The following THRB variants were observed in gnomAD, a reference collection of about 807,000 sequenced individuals.
THRB encodes thyroid hormone receptor beta.
Under a neutral mutation model 47.8 loss-of-function variants are expected in THRB, and 12 were observed. That is an observed-to-expected ratio of 0.25 (90% CI 0.16 to 0.41). THRB has a LOEUF of 0.41. THRB is among the 10% of genes least tolerant of loss of function. The pLI, the probability that THRB is intolerant of heterozygous loss-of-function variation, is 1.00. For missense variants in THRB, 348 were observed against 589.2 expected (o/e 0.59, Z 4.24); for synonymous variants, 218 against 212.2 (o/e 1.03, Z -0.24).
intron 5 of THRB, 83 bp downstream of exon 5, chr3:24,189,991 T>G: frequency 2.2e-6 from 3 of 1,359,568 alleles, no homozygotes; most frequent in Admixed American, 1.7e-5. Context: ...GGAAGAGAAA[T>G]GTAGATGAAG....
intron 3 of THRB, among the ~76,000 whole-genome samples, chr3:24,271,123 G>C (rs951393806): frequency 3.9e-5 from 6 of 152,150 alleles, no homozygotes; most frequent in Non-Finnish European, 8.8e-5. Context: ...GGATAGAAAG[G>C]CAGTAAAAAA....
Position 24,395,646 on chromosome 3 carries a change from C to A in THRB, c.-260-58275G>T, listed in dbSNP as rs532709420. Among the ~76,000 whole-genome samples the A allele has an allele frequency of 5.9e-5, 9 of 152,098 alleles. No homozygotes were observed. In the East Asian group the frequency reaches 7.7e-4, roughly 13 times the overall value. Reference sequence around the variant, plus strand: ...GGCAAGGATGTAGAGAAATTGGAACCCTTATATGCTGGTGAAGGGAATGCA... The same window carrying A: ...GGCAAGGATGTAGAGAAATTGGAACACTTATATGCTGGTGAAGGGAATGCA... On this transcript the variant is annotated intron_variant, in intron 1 of 10. Coordinates refer to ENST00000646209, the MANE Select transcript of THRB (RefSeq NM_001354712.2).
At chr3:24,123,976 G>A (rs1340534322) in intron 10 of THRB, among the ~76,000 whole-genome samples, 2 of 152,194 alleles carry the variant, frequency 1.3e-5, no homozygotes, top group African/African-American at 2.4e-5. Flanking sequence ...GAATAGTTGG[G>A]CTGCAGACAC....
intron 3 of THRB, among the ~76,000 whole-genome samples, chr3:24,290,704 A>C (rs750542607): frequency 1.1e-4 from 17 of 152,184 alleles, no homozygotes; most frequent in Non-Finnish European, 2.2e-4. Flanking sequence ...GCAATTGTTG[A>C]TCCTGGGATG....
At chr3:24,307,098 A>C (rs906369998) in intron 2 of THRB, among the ~76,000 whole-genome samples, 3 of 151,940 alleles carry the variant, frequency 2.0e-5, no homozygotes, top group South Asian at 2.1e-4. Context: ...CTTGGCAATA[A>C]TTTTTAATTA....
intron 1 of THRB, among the ~76,000 whole-genome samples, chr3:24,471,256 C>A (rs1414499891): frequency 1.3e-5 from 2 of 152,164 alleles, no homozygotes; most frequent in Non-Finnish European, 2.9e-5. Context: ...TCCAGTTCCA[C>A]CCTAGACTGA....
intron 1 of THRB, among the ~76,000 whole-genome samples, chr3:24,368,610 T>G (rs771015035): frequency 5.3e-5 from 8 of 152,166 alleles, no homozygotes; most frequent in South Asian, 2.1e-4. Flanking sequence ...AAATGGTCTG[T>G]TTTTGCCTAG....
chr3:24,319,914 C>T (rs1486393907), intron 2 of THRB, among the ~76,000 whole-genome samples: 3 of 152,176 alleles, frequency 2.0e-5, no homozygotes, highest in African/African-American at 7.2e-5. Context: ...TTATGGCAAA[C>T]TCAGTGTATT....
intron 5 of THRB, among the ~76,000 whole-genome samples, chr3:24,177,606 A>T (rs146628531): frequency 6.6e-6 from 1 of 152,280 alleles, no homozygotes; most frequent in Non-Finnish European, 1.5e-5. Context: ...CAAAAATCCA[A>T]ATTCATTCTG....
intron 1 of THRB, among the ~76,000 whole-genome samples, chr3:24,432,731 T>C (rs1264639860): frequency 1.3e-5 from 2 of 152,110 alleles, no homozygotes; most frequent in Non-Finnish European, 2.9e-5. Context: ...TTTAGCTTTA[T>C]ACTGCATATA....
chr3:24,426,987 C>G (rs1646949768), intron 1 of THRB, among the ~76,000 whole-genome samples: 1 of 151,934 alleles, frequency 6.6e-6, no homozygotes, highest in East Asian at 1.9e-4. Context: ...ATATTAAGCT[C>G]ATCGATGCTT....
At chr3:24,269,466 C>G (rs2053089105) in intron 3 of THRB, among the ~76,000 whole-genome samples, 1 of 151,574 alleles carries the variant, frequency 6.6e-6, no homozygotes, top group South Asian at 2.1e-4. Flanking sequence ...GCTGTGTTGT[C>G]CAGGCTGGAG....
intron 3 of THRB, among the ~76,000 whole-genome samples, chr3:24,294,422 C>T (rs2056263710): frequency 6.6e-6 from 1 of 152,068 alleles, no homozygotes; most frequent in African/African-American, 2.4e-5. Context: ...ACTGACTCAC[C>T]CAACCTCCCT....
At chr3:24,204,897 G>A (rs1575847357) in intron 4 of THRB, among the ~76,000 whole-genome samples, 1 of 152,198 alleles carries the variant, frequency 6.6e-6, no homozygotes, top group Admixed American at 6.5e-5. Context: ...GGAAGAAAGG[G>A]TATCAGTGAT....
At chr3:24,374,049 T>C (rs1189410040) in intron 1 of THRB, among the ~76,000 whole-genome samples, 3 of 152,076 alleles carry the variant, frequency 2.0e-5, no homozygotes, top group African/African-American at 7.2e-5. Flanking sequence ...TCACGAATCG[T>C]CCATTGCTGA....
intron 1 of THRB, among the ~76,000 whole-genome samples, chr3:24,367,702 T>G (rs1560032857): frequency 6.6e-6 from 1 of 152,216 alleles, no homozygotes; most frequent in Non-Finnish European, 1.5e-5. Flanking sequence ...TTTCCTTTCT[T>G]GTCAGTTAGG....
chr3:24,407,402 A>T (rs993475088), intron 1 of THRB, among the ~76,000 whole-genome samples: 7 of 151,744 alleles, frequency 4.6e-5, no homozygotes, highest in African/African-American at 1.7e-4. Flanking sequence ...ATTCATTCCC[A>T]AACATATTTT....
intron 1 of THRB, among the ~76,000 whole-genome samples, chr3:24,363,990 A>G (rs904380573): frequency 6.6e-6 from 1 of 152,194 alleles, no homozygotes; most frequent in Non-Finnish European, 1.5e-5. Context: ...GAGTCTGAGA[A>G]GTAATACAAG....
chr3:24,139,401 T>TTTTTA (rs2035147470), intron 8 of THRB, among the ~76,000 whole-genome samples: 1 of 151,438 alleles, frequency 6.6e-6, no homozygotes. Context: ...TTTTTTTTTT[T>TTTTTA]GAGACATGGT....
Sources: gnomAD v4.1 joint callset for allele counts (sites outside exome capture counted in the v4.1 genomes callset) on GRCh38, gnomAD v4.1.1 for gene constraint, MANE v1.5 for transcripts, NCBI Gene and HGNC (gene_info 2026-07-23, HGNC 2026-07-21) for gene names.